Variants in NPAS3 observed in about 807,000 individuals in gnomAD.
NPAS3 encodes the protein neuronal PAS domain protein 3.
NPAS3 carries 14 observed loss-of-function variants against 73.1 expected under a neutral mutation model. That is an observed-to-expected ratio of 0.19 (90% CI 0.13 to 0.30). The LOEUF (loss-of-function observed/expected upper bound fraction) is 0.30. NPAS3 is among the 10% of genes least tolerant of loss of function. The pLI is 1.00. For synonymous variants in NPAS3, 620 were observed against 541.5 expected (o/e 1.14, Z -2.01); for missense variants, 1,096 against 1,250.0 (o/e 0.88, Z 1.86).
chr14:33,196,501 C>T (rs1015269385), intron 2 of NPAS3, among the ~76,000 whole-genome samples: 1 of 152,160 alleles, frequency 6.6e-6, no homozygotes, highest in African/African-American at 2.4e-5. Context: ...TGCCTTCTGG[C>T]TCATGTGAGG....
intron 4 of NPAS3, among the ~76,000 whole-genome samples, chr14:33,484,862 C>T (rs1377988557): frequency 6.6e-6 from 1 of 152,088 alleles, no homozygotes; most frequent in African/African-American, 2.4e-5. Context: ...AGGGGAATTG[C>T]AACCACGCTT....
At chr14:33,053,686 T>C (rs1046806120) in intron 1 of NPAS3, among the ~76,000 whole-genome samples, 2 of 152,190 alleles carry the variant, frequency 1.3e-5, no homozygotes, top group African/African-American at 4.8e-5. Flanking sequence ...ATAGATGTCT[T>C]ATCTGTAATT....
intron 4 of NPAS3, among the ~76,000 whole-genome samples, chr14:33,502,463 GCT>G (rs973346011): frequency 6.6e-6 from 1 of 151,854 alleles, no homozygotes; most frequent in African/African-American, 2.4e-5. Flanking sequence ...CCCGACTTCT[GCT>G]CTCTGTTCAC....
intron 1 of NPAS3, among the ~76,000 whole-genome samples, chr14:32,966,150 A>T (rs531706346): frequency 8.2e-4 from 125 of 152,324 alleles, no homozygotes; most frequent in African/African-American, 2.7e-3. Context: ...GAATCAGTGC[A>T]ATACCTATAG....
intron 4 of NPAS3, among the ~76,000 whole-genome samples, chr14:33,419,544 A>G (rs184723633): frequency 6.6e-6 from 1 of 152,034 alleles, no homozygotes; most frequent in Non-Finnish European, 1.5e-5. Flanking sequence ...ATTTGTAAGA[A>G]TTGTTTGTTT....
chr14:33,438,102 A>G (rs2049069840), intron 4 of NPAS3, among the ~76,000 whole-genome samples: 1 of 152,162 alleles, frequency 6.6e-6, no homozygotes, highest in African/African-American at 2.4e-5. Flanking sequence ...GAAGATAGAA[A>G]TTTTCTTGAT....
intron 5 of NPAS3, among the ~76,000 whole-genome samples, chr14:33,599,059 G>A (rs535906416): frequency 6.6e-6 from 1 of 152,206 alleles, no homozygotes; most frequent in Admixed American, 6.5e-5. Flanking sequence ...TCTCTTATTA[G>A]GCACATGTTT....
At chr14:33,638,026 G>T (rs763920577) in intron 5 of NPAS3, among the ~76,000 whole-genome samples, 1 of 152,106 alleles carries the variant, frequency 6.6e-6, no homozygotes, top group Non-Finnish European at 1.5e-5. Context: ...TTTGAAAGGA[G>T]CATGCATTTT....
chr14:33,272,683 C>G (rs141006420), intron 3 of NPAS3, among the ~76,000 whole-genome samples: 2 of 152,104 alleles, frequency 1.3e-5, no homozygotes, highest in Non-Finnish European at 2.9e-5. Context: ...TCCCAAAGTG[C>G]TGGGATTACA....
intron 2 of NPAS3, among the ~76,000 whole-genome samples, chr14:33,189,489 G>A (rs575471547): frequency 3.8e-4 from 58 of 152,252 alleles, no homozygotes; most frequent in Non-Finnish European, 7.9e-4. Context: ...GTCCCACGAG[G>A]GAGCACTAAG....
At chr14:33,610,442 T>TC (rs2057714760) in intron 5 of NPAS3, among the ~76,000 whole-genome samples, 1 of 152,192 alleles carries the variant, frequency 6.6e-6, no homozygotes, top group Non-Finnish European at 1.5e-5. Flanking sequence ...TCCTTTTTTT[T>TC]CACAATTTTG....
intron 4 of NPAS3, among the ~76,000 whole-genome samples, chr14:33,505,268 A>G (rs1013145265): frequency 1.3e-5 from 2 of 151,724 alleles, no homozygotes; most frequent in Non-Finnish European, 2.9e-5. Flanking sequence ...GATAAATATT[A>G]TAGCCACATA....
intron 2 of NPAS3, among the ~76,000 whole-genome samples, chr14:33,171,756 C>T (rs2045397610): frequency 6.6e-6 from 1 of 152,196 alleles, no homozygotes; most frequent in South Asian, 2.1e-4. Flanking sequence ...TTCCTTTGCA[C>T]TCACAATGTG....
At chr14:33,802,580 CT>C (rs1307786479), downstream of NPAS3, 9 of 152,064 alleles carry the variant, frequency 5.9e-5, no homozygotes, top group Admixed American at 5.9e-4. Context: ...TGTATGTGTC[CT>C]TGGCTGTCAG....
At chr14:33,167,263 ACT>A (rs1432143931) in intron 2 of NPAS3, among the ~76,000 whole-genome samples, 1 of 151,994 alleles carries the variant, frequency 6.6e-6, no homozygotes, top group Non-Finnish European at 1.5e-5. Flanking sequence ...AGTTCTATAA[ACT>A]CTCTCAAAGT....
chr14:33,614,045 G>A (rs561212888), intron 5 of NPAS3, among the ~76,000 whole-genome samples: 9 of 152,242 alleles, frequency 5.9e-5, no homozygotes, highest in East Asian at 1.9e-4. Flanking sequence ...GATCCATCAC[G>A]AAACTGAATT....
At chr14:33,731,726 A>AATT (rs1490790193) in intron 6 of NPAS3, among the ~76,000 whole-genome samples, 1 of 152,214 alleles carries the variant, frequency 6.6e-6, no homozygotes, top group African/African-American at 2.4e-5. Flanking sequence ...CCAACATAAA[A>AATT]ATTATTACTA....
chr14:33,251,007 G>C (rs991548180), intron 3 of NPAS3, among the ~76,000 whole-genome samples: 3 of 152,092 alleles, frequency 2.0e-5, no homozygotes, highest in South Asian at 4.1e-4. Flanking sequence ...GTAAAATACA[G>C]TATATATTGG....
chr14:33,358,500 G>T (rs2045444459), intron 3 of NPAS3, among the ~76,000 whole-genome samples: 1 of 152,210 alleles, frequency 6.6e-6, no homozygotes, highest in East Asian at 1.9e-4. Context: ...AGATCCCAGG[G>T]TCCTGGCCAT....
Sources: gnomAD v4.1 joint callset for allele counts (sites outside exome capture counted in the v4.1 genomes callset) on GRCh38, gnomAD v4.1.1 for gene constraint, MANE v1.5 for transcripts, NCBI Gene and HGNC (gene_info 2026-07-23, HGNC 2026-07-21) for gene names.